EXOSC1: variants seen among roughly 807,000 people sequenced by gnomAD.
EXOSC1 encodes the protein exosome complex component CSL4.
In EXOSC1, 27 loss-of-function variants were observed where a neutral mutation model predicts 31.4. The observed-to-expected ratio is 0.86, with a 90% CI of 0.63 to 1.18. The LOEUF is 1.18. EXOSC1 is among the 50% of genes most tolerant of loss of function. EXOSC1 has a pLI of 0.00. For synonymous variants in EXOSC1, 84 were observed against 89.5 expected (o/e 0.94, Z 0.35); for missense variants, 228 against 250.3 (o/e 0.91, Z 0.60).
At chr10:97,437,558 G>C in intron 6 of EXOSC1, 142 bp downstream of exon 6, 1 of 746,762 alleles carries the variant, frequency 1.3e-6, no homozygotes, top group Non-Finnish European at 2.3e-6. Context: ...ATGTTGTCCA[G>C]GCTGGTCTCG....
At chr10:97,436,648 C>G in intron 7 of EXOSC1, 97 bp from the exon 8 acceptor site, 1 of 1,100,812 alleles carries the variant, frequency 9.1e-7, no homozygotes, top group Non-Finnish European at 1.3e-6. Flanking sequence ...CACCAAGCTT[C>G]CTACTGAACC....
intron 6 of EXOSC1, 23 bp from the exon 7 acceptor site, chr10:97,437,298 G>A (rs1387556849): frequency 2.5e-6 from 4 of 1,587,736 alleles, no homozygotes; most frequent in African/African-American, 2.7e-5. Flanking sequence ...CACCGGTGAA[G>A]GAAAATGAGG....
At position 97,445,796 on chromosome 10, in the gene EXOSC1, G is replaced by T; in HGVS notation, c.83C>A (p.Thr28Asn). 1.2e-6 allele frequency: 2 copies of T among 1,614,014 alleles called. No homozygotes were observed. Among genetic ancestry groups the T allele is most frequent in the Non-Finnish European group, 1.7e-6 (2 of 1,179,944 alleles). Reference sequence around the variant, plus strand: ...CGACGAAAAGATGTAGCCGTGGCGGGTGTAGGTGCCGCTGCCCGGGCTGCC... The same window carrying T: ...CGACGAAAAGATGTAGCCGTGGCGGTTGTAGGTGCCGCTGCCCGGGCTGCC... ...EEGSPGSGTY[T>N]RHGYIFSSLA... The change falls in exon 2 of 8, where the codon ACC becomes AAC. Residue 28 changes from threonine to asparagine, a missense_variant. Thr to Asn is a moderately conservative substitution (Grantham distance 65). Transcript: ENST00000370902.
At chr10:97,438,942 G>A (rs937149991) in intron 4 of EXOSC1, among the ~76,000 whole-genome samples, 3 of 151,730 alleles carry the variant, frequency 2.0e-5, no homozygotes, top group Non-Finnish European at 4.4e-5. Context: ...AGTAGAGATG[G>A]GGTTTCACCA....
chr10:97,443,117 G>T, intron 3 of EXOSC1, 120 bp downstream of exon 3: 2 of 831,808 alleles, frequency 2.4e-6, no homozygotes, highest in Non-Finnish European at 3.9e-6. Flanking sequence ...GAGCCACTGT[G>T]CCCTGCCAGA....
chr10:97,445,443 T>C (rs1466445543), intron 2 of EXOSC1: 2 of 493,194 alleles, frequency 4.1e-6, no homozygotes, highest in Non-Finnish European at 7.3e-6. Context: ...TCATACAGTA[T>C]GCAACTCACT....
chr10:97,443,423 A>G, intron 2 of EXOSC1, 112 bp from the exon 3 acceptor site: 1 of 917,714 alleles, frequency 1.1e-6, no homozygotes, highest in Non-Finnish European at 1.7e-6. Flanking sequence ...GAGTTGGAGT[A>G]TGGATTCATT....
intron 3 of EXOSC1, 65 bp from the exon 4 acceptor site, chr10:97,441,324 A>C: frequency 7.2e-7 from 1 of 1,396,080 alleles, no homozygotes; most frequent in Non-Finnish European, 1.0e-6. Context: ...AGGCAGCAAT[A>C]AACTGGGGAT....
intron 4 of EXOSC1, among the ~76,000 whole-genome samples, chr10:97,440,129 C>G (rs1286706247): frequency 6.6e-6 from 1 of 152,016 alleles, no homozygotes. Context: ...TGTGCCACCA[C>G]GCCTGGCTAA....
At chr10:97,440,549 C>T (rs1410792106) in intron 4 of EXOSC1, among the ~76,000 whole-genome samples, 11 of 150,048 alleles carry the variant, frequency 7.3e-5, no homozygotes, top group African/African-American at 2.2e-4. Flanking sequence ...GACAGAGTCT[C>T]GCTCTGTCCC....
In EXOSC1 at chr10:97,443,456, T is replaced by C. The variant is rs1477385623; in HGVS notation, c.148-145A>G. On this transcript the variant is annotated intron_variant, in intron 2 of 7. Coordinates refer to ENST00000370902, the MANE Select transcript of EXOSC1 (RefSeq NM_016046.5). ...ATTTATAGCCCAGAGCAGAAGGCCTTAGAAATTTTAGGAAATAGGAGGACC... is the reference window on the plus strand; with the variant it reads ...ATTTATAGCCCAGAGCAGAAGGCCTCAGAAATTTTAGGAAATAGGAGGACC... The C allele has an allele frequency of 7.5e-6, 5 of 670,424 alleles. No homozygotes were observed. In the East Asian group the frequency reaches 1.1e-4, roughly 14 times the overall value. 41.5% of individuals were successfully genotyped at this position (670,424 alleles called of 1,614,324 possible). A position where few individuals can be genotyped will look rare whatever the true frequency, so the allele number is the denominator to read the frequency against.
chr10:97,445,754 A>C lies in EXOSC1; in HGVS notation c.125T>G (p.Met42Arg), dbSNP rs201059505. 5.0e-6 allele frequency: 8 copies of C among 1,613,892 alleles called. No homozygotes were observed. In the East Asian group the frequency reaches 1.8e-4, roughly 36 times the overall value. The change falls in exon 2 of 8, where the codon ATG becomes AGG. Residue 42 changes from methionine (M) to arginine (R), a missense_variant. Transcript: ENST00000370902. ...YIFSSLAGCL[M>R]KSSENGALPV... ...TACCGCGCCATTCTCGCTGCTCTTC[A>C]TCAGACAGCCGGCAAGCGACGAAAA...
intron 7 of EXOSC1, among the ~76,000 whole-genome samples, chr10:97,436,860 C>G (rs1845554609): frequency 6.6e-6 from 1 of 152,120 alleles, no homozygotes; most frequent in African/African-American, 2.4e-5. Context: ...CCTGTCTCTA[C>G]TAAAAATACA....
rs776846099 is a variant in EXOSC1 at position 97,437,709 on chromosome 10, C to T, written c.387G>A (p.Leu129=). Residue 129 remains leucine (L), a synonymous_variant, in exon 6 of 8, where the codon TTG becomes TTA. Transcript: ENST00000370902. ...YKSFRPGDIV[L]AKVISLGDAQ... is the part of the protein sequence containing the mutation. ...TGGGAATAAAGGATACCACTTTGGC[C>T]AAGACAATGTCACCTGGGCGGAAAC... is the stretch of plus-strand genomic sequence containing the variant. The T allele has an allele frequency of 6.2e-7, 1 of 1,613,314 alleles. No homozygotes were observed. Among genetic ancestry groups the T allele is most frequent in the African/African-American group, 1.3e-5 (1 of 75,010 alleles).
chr10:97,438,237 A>G (rs1187491358), intron 5 of EXOSC1, among the ~76,000 whole-genome samples: 1 of 151,276 alleles, frequency 6.6e-6, no homozygotes, highest in Non-Finnish European at 1.5e-5. Flanking sequence ...TTTTTTTAAG[A>G]GGTGGGATCC....
intron 5 of EXOSC1, 89 bp downstream of exon 5, chr10:97,438,581 G>T: frequency 1.7e-6 from 2 of 1,178,370 alleles, no homozygotes; most frequent in Non-Finnish European, 1.2e-6. Flanking sequence ...CTGGGATTAC[G>T]GGTGTGTGTG....
chr10:97,439,638 A>C (rs1337137537), intron 4 of EXOSC1, among the ~76,000 whole-genome samples: 1 of 152,222 alleles, frequency 6.6e-6, no homozygotes, highest in Non-Finnish European at 1.5e-5. Flanking sequence ...TATATATTAC[A>C]GTGTAATAAT....
intron 3 of EXOSC1, among the ~76,000 whole-genome samples, chr10:97,442,587 C>A (rs1363889994): frequency 1.3e-5 from 2 of 152,226 alleles, no homozygotes; most frequent in South Asian, 2.1e-4. Context: ...TGGCTCACTG[C>A]AGCCTCAACC....
At chr10:97,445,114 A>G (rs572262801) in intron 2 of EXOSC1, 1 of 152,200 alleles carries the variant, frequency 6.6e-6, no homozygotes, top group East Asian at 1.9e-4. Context: ...ACACCCCACA[A>G]AACTCCTTTC....
Sources: gnomAD v4.1 joint callset for allele counts (sites outside exome capture counted in the v4.1 genomes callset) on GRCh38, gnomAD v4.1.1 for gene constraint, MANE v1.5 for transcripts, NCBI Gene and HGNC (gene_info 2026-07-23, HGNC 2026-07-21) for gene names.